Variants in DGLUCY observed in about 807,000 individuals in gnomAD.
The protein encoded by DGLUCY is D-glutamate cyclase, also known as D-glutamate cyclase, mitochondrial.
A neutral mutation model predicts 58.5 loss-of-function variants in DGLUCY; 58 were observed. The ratio of observed to expected loss-of-function variants is 0.99; its 90% CI spans 0.80 to 1.23. The LOEUF is 1.23. Ranked by LOEUF, DGLUCY falls within the 50% of genes most tolerant of loss-of-function variation. The pLI is 0.00. For synonymous variants in DGLUCY, 325 were observed against 314.1 expected, an observed-to-expected ratio of 1.03 and a Z score of -0.37; for missense variants, 779 against 784.7, an observed-to-expected ratio of 0.99 and a Z score of 0.09.
chr14:91,126,461 CCT>C (rs2045690107), intron 1 of DGLUCY: 1 of 228,484 alleles, frequency 4.4e-6, no homozygotes, highest in African/African-American at 2.3e-5. Context: ...AAGAATGCCT[CCT>C]CTGTTTACAA....
intron 12 of DGLUCY, 84 bp downstream of exon 12, chr14:91,204,909 T>G (rs1381818966): frequency 6.3e-7 from 1 of 1,581,774 alleles, no homozygotes; most frequent in East Asian, 2.3e-5. Flanking sequence ...CAGAAGCTCT[T>G]CTTCTCTGCA....
rs140218110 is a variant in DGLUCY at position 91,201,432 on chromosome 14, A to G, written c.1444+1527A>G. Reference sequence around the variant, plus strand: ...CCCTGCCTCAGCTTCCCGAGTAGCTAGGACTATAGGCGCATGCCACCACGC... The same window carrying G: ...CCCTGCCTCAGCTTCCCGAGTAGCTGGGACTATAGGCGCATGCCACCACGC... On this transcript the variant is annotated intron_variant, in intron 11 of 13. Transcript: ENST00000256324. Among the ~76,000 whole-genome samples the G allele has an allele frequency of 1.8e-3, 279 of 151,912 alleles. 2 individuals carry two copies. Among genetic ancestry groups the G allele is most frequent in the African/African-American group, 6.4e-3 (266 of 41,420 alleles).
rs1405055564 is a variant in DGLUCY at position 91,204,742 on chromosome 14, A to G, written c.1481A>G (p.Lys494Arg). The G allele has an allele frequency of 2.5e-6, 4 of 1,613,952 alleles. No individual in the cohort carries two copies. In the African/African-American group the frequency reaches 5.3e-5, roughly 22 times the overall value. The change falls in exon 12 of 14, where the codon AAA (lysine) becomes AGA (arginine). Residue 494 changes from lysine to arginine, a missense_variant. Physicochemically the swap from Lys to Arg is conservative, Grantham distance 26. Coordinates refer to ENST00000256324, the MANE Select transcript of DGLUCY (RefSeq NM_001102368.3). Reference sequence around the variant, plus strand: ...GGAGGCAACGAGCTTGGGATGGGTAAAGTCAAGGAGGCTGTGAGGAGGCAC... The same window carrying G: ...GGAGGCAACGAGCTTGGGATGGGTAGAGTCAAGGAGGCTGTGAGGAGGCAC... ...GDGGNELGMG[K>R]VKEAVRRHIR...
chr14:91,170,495 C>T (rs1337673022), intron 5 of DGLUCY, among the ~76,000 whole-genome samples: 2 of 152,144 alleles, frequency 1.3e-5, no homozygotes, highest in Non-Finnish European at 2.9e-5. Context: ...CTTCAGGCAC[C>T]TCAGCGAGAT....
chr14:91,148,356 C>A (rs1208715897), intron 1 of DGLUCY, among the ~76,000 whole-genome samples: 1 of 151,464 alleles, frequency 6.6e-6, no homozygotes, highest in African/African-American at 2.4e-5. Context: ...AGGTGTGTAC[C>A]ACCATGCCTG....
In DGLUCY at chr14:91,157,231, GTGGA is replaced by G. The variant is rs1196165761; in HGVS notation, c.-81-385_-81-382del. Among the ~76,000 whole-genome samples, 416 of 94,898 alleles carry G rather than the reference GTGGA, an allele frequency of 4.4e-3. 3 individuals are homozygous for G. The highest frequency in any genetic ancestry group is 0.033 in the Middle Eastern group (6 of 182). The allele number at this position is 94,898 out of a possible 152,430, so 62.3% of individuals were successfully genotyped here. A position where few individuals can be genotyped will look rare whatever the true frequency, so the allele number is the denominator to read the frequency against. On this transcript the variant is annotated intron_variant, in intron 1 of 13. Transcript: ENST00000256324. Reference sequence around the variant, plus strand: ...AATGAATGGGTGGATGGATGGATGGGTGGATGGATGGATGGATGGATGGATGAAT... The same window carrying G: ...AATGAATGGGTGGATGGATGGATGGGTGGATGGATGGATGGATGGATGAAT...
At chr14:91,069,165 G>A (rs2043874792) in intron 1 of DGLUCY, among the ~76,000 whole-genome samples, 1 of 152,108 alleles carries the variant, frequency 6.6e-6, no homozygotes, top group African/African-American at 2.4e-5. Context: ...TCTCTAATTT[G>A]TCCTAATCAT....
intron 7 of DGLUCY, among the ~76,000 whole-genome samples, chr14:91,180,521 A>G (rs995747781): frequency 1.3e-5 from 2 of 151,072 alleles, no homozygotes; most frequent in African/African-American, 4.9e-5. Context: ...GCAGTGAGCC[A>G]AGATCATACC....
intron 9 of DGLUCY, among the ~76,000 whole-genome samples, chr14:91,190,537 G>T (rs2049819431): frequency 6.6e-6 from 1 of 152,094 alleles, no homozygotes; most frequent in Admixed American, 6.6e-5. Flanking sequence ...CCTGGAGGAG[G>T]TGGCCTTTGA....
chr14:91,123,472 G>A (rs1490546290), intron 1 of DGLUCY, among the ~76,000 whole-genome samples: 2 of 96,758 alleles, frequency 2.1e-5, no homozygotes, highest in East Asian at 7.2e-4. Context: ...GGAGAGATGA[G>A]GTGGAGACAG....
intron 7 of DGLUCY, among the ~76,000 whole-genome samples, chr14:91,176,290 A>G (rs942846053): frequency 6.6e-6 from 1 of 151,964 alleles, no homozygotes; most frequent in African/African-American, 2.4e-5. Context: ...CTGTGGTGCA[A>G]TCTCGGTTCA....
At chr14:91,095,349 G>A (rs541798046) in intron 1 of DGLUCY, among the ~76,000 whole-genome samples, 41 of 152,130 alleles carry the variant, frequency 2.7e-4, no homozygotes, top group Non-Finnish European at 8.8e-5. Context: ...TCTCAGGGTC[G>A]GCAGAGGCTG....
chr14:91,080,230 G>T (rs1434854515), intron 1 of DGLUCY, among the ~76,000 whole-genome samples: 1 of 152,122 alleles, frequency 6.6e-6, no homozygotes, highest in Non-Finnish European at 1.5e-5. Flanking sequence ...TTTGACTGTT[G>T]TGAATAATGT....
At chr14:91,217,472 C>T (rs1360262721) in intron 13 of DGLUCY, among the ~76,000 whole-genome samples, 5 of 137,786 alleles carry the variant, frequency 3.6e-5, no homozygotes, top group Non-Finnish European at 7.6e-5. Flanking sequence ...GCATTGCTGC[C>T]CCTTTTCTGT....
At chr14:91,082,685 G>A (rs2044147011) in intron 1 of DGLUCY, among the ~76,000 whole-genome samples, 1 of 152,174 alleles carries the variant, frequency 6.6e-6, no homozygotes, top group Non-Finnish European at 1.5e-5. Context: ...TGAAGTTCCT[G>A]TTGGTATCAG....
chr14:91,132,439 G>A (rs1796535521), intron 1 of DGLUCY, among the ~76,000 whole-genome samples: 1 of 151,588 alleles, frequency 6.6e-6, no homozygotes, highest in Non-Finnish European at 1.5e-5. Context: ...GGTGGTGCAT[G>A]CCTGTAGTCC....
At chr14:91,091,913 C>T (rs983722675) in intron 1 of DGLUCY, among the ~76,000 whole-genome samples, 1 of 152,224 alleles carries the variant, frequency 6.6e-6, no homozygotes, top group African/African-American at 2.4e-5. Context: ...TGGCTTTTGA[C>T]TGCCCCTCAG....
At chr14:91,211,777 A>T (rs548534771) in intron 12 of DGLUCY, among the ~76,000 whole-genome samples, 49 of 151,402 alleles carry the variant, frequency 3.2e-4, no homozygotes, top group South Asian at 8.3e-4. Context: ...CATGAGTATG[A>T]TTATGACTTC....
chr14:91,077,635 C>G (rs1335539894), intron 1 of DGLUCY, among the ~76,000 whole-genome samples: 1 of 151,708 alleles, frequency 6.6e-6, no homozygotes, highest in Admixed American at 6.6e-5. Flanking sequence ...GCCTGTAGTC[C>G]CAGCTACTCA....
Sources: gnomAD v4.1 joint callset for allele counts (sites outside exome capture counted in the v4.1 genomes callset) on GRCh38, gnomAD v4.1.1 for gene constraint, MANE v1.5 for transcripts, NCBI Gene and HGNC (gene_info 2026-07-23, HGNC 2026-07-21) for gene names.